The following CARMIL1 variants were observed in gnomAD, a reference collection of about 807,000 sequenced individuals.
The protein encoded by CARMIL1 is F-actin-uncapping protein LRRC16A.
A neutral mutation model predicts 177.1 loss-of-function variants in CARMIL1; 90 were observed. That is an observed-to-expected ratio of 0.51 (90% CI 0.43 to 0.61). CARMIL1 has a LOEUF of 0.61. CARMIL1 is among the 20% of genes least tolerant of loss of function. The probability of loss-of-function intolerance (pLI) is 0.00; values close to 1 mark genes in which losing one functional copy is unlikely to be tolerated. For missense variants in CARMIL1, 1,380 were observed against 1,667.0 expected (o/e 0.83, Z 3.00); for synonymous variants, 577 against 606.2 (o/e 0.95, Z 0.71).
chr6:25,606,226 C>G lies in CARMIL1; in HGVS notation c.3800C>G (p.Ala1267Gly). ...CTGCAGTCCCCCAAACCCAGTCTGG[C>G]AGCACGGCCCGTCATCCCGCAGAAA... is the stretch of plus-strand genomic sequence containing the variant. Reference protein sequence around the residue: ...PLLQSPKPSLAARPVIPQKPR... With the variant: ...PLLQSPKPSLGARPVIPQKPR... Residue 1267 changes from alanine to glycine, a missense_variant, in exon 35 of 37, where the codon GCA (alanine) becomes GGA (glycine). By Grantham distance (60) the Ala-to-Gly change is moderately conservative (BLOSUM62 0). Coordinates refer to ENST00000329474, the MANE Select transcript of CARMIL1 (RefSeq NM_017640.6). The G allele has an allele frequency of 6.2e-7, 1 of 1,613,946 alleles. No homozygotes were observed. Among genetic ancestry groups the G allele is most frequent in the Non-Finnish European group, 8.5e-7 (1 of 1,179,884 alleles).
chr6:25,571,361 G>A (rs1582399048), intron 29 of CARMIL1, among the ~76,000 whole-genome samples: 1 of 152,022 alleles, frequency 6.6e-6, no homozygotes, highest in East Asian at 1.9e-4. Flanking sequence ...AGAAAACATC[G>A]AAATGCCAGT....
At chr6:25,359,842 T>A (rs2150388779) in intron 2 of CARMIL1, among the ~76,000 whole-genome samples, 1 of 152,316 alleles carries the variant, frequency 6.6e-6, no homozygotes, top group African/African-American at 2.4e-5. Flanking sequence ...CTGTGTAAAT[T>A]GAAGGTTTAG....
At chr6:25,527,765 G>A (rs554427289) in intron 23 of CARMIL1, 18 of 391,592 alleles carry the variant, frequency 4.6e-5, no homozygotes, top group South Asian at 2.0e-4. Context: ...TCAAGGGATC[G>A]TAATTATAGT....
At position 25,530,263 on chromosome 6, in the gene CARMIL1, A is replaced by G. The variant is rs192697225; in HGVS notation, c.2067+1370A>G. Among the ~76,000 whole-genome samples, 36 of 152,270 alleles carry G rather than the reference A, an allele frequency of 2.4e-4. No individual in the cohort carries two copies. In the East Asian group the frequency reaches 4.1e-3, roughly 17 times the overall value. ...GCCAGACACTGTGGCTCACGCCTGC[A>G]ATCTCAACGCTTGGGAGGTCGAGAC... is the stretch of plus-strand genomic sequence containing the variant. On this transcript the variant is annotated intron_variant, in intron 24 of 36. Coordinates refer to ENST00000329474, the MANE Select transcript of CARMIL1 (RefSeq NM_017640.6).
At chr6:25,537,746 A>G (rs997449956) in intron 24 of CARMIL1, 109 bp from the exon 25 acceptor site, 12 of 1,309,666 alleles carry the variant, frequency 9.2e-6, no homozygotes, top group African/African-American at 2.9e-5. Flanking sequence ...ATCCTTGTGC[A>G]TTCTGTGGTT....
At chr6:25,349,798 G>A (rs980646247) in intron 2 of CARMIL1, among the ~76,000 whole-genome samples, 1 of 147,334 alleles carries the variant, frequency 6.8e-6, no homozygotes, top group East Asian at 2.0e-4. Context: ...GTACAATTTC[G>A]GCTCACTGCA....
chr6:25,304,373 C>T (rs75707428), intron 2 of CARMIL1, among the ~76,000 whole-genome samples: 4,274 of 152,234 alleles, frequency 0.028, 74 homozygotes, highest in Non-Finnish European at 0.039. Flanking sequence ...ATAGAACAGC[C>T]GTCCCCAACC....
intron 29 of CARMIL1, chr6:25,563,494 G>T: frequency 1.0e-6 from 1 of 985,378 alleles, no homozygotes; most frequent in Non-Finnish European, 1.2e-6. Context: ...CAGGTGATGG[G>T]GTAAAAGAAA....
intron 29 of CARMIL1, among the ~76,000 whole-genome samples, chr6:25,569,954 C>G (rs1028351999): frequency 6.6e-6 from 1 of 152,100 alleles, no homozygotes; most frequent in African/African-American, 2.4e-5. Context: ...TTGCTTACTA[C>G]TGCAATAAAG....
intron 8 of CARMIL1, chr6:25,452,178 T>C (rs766990050): frequency 1.3e-6 from 1 of 764,860 alleles, no homozygotes; most frequent in South Asian, 1.3e-5. Context: ...GGCTCAGCTG[T>C]GTCTGTAGTT....
chr6:25,286,072 T>C (rs1349743060), intron 2 of CARMIL1, among the ~76,000 whole-genome samples: 1 of 152,162 alleles, frequency 6.6e-6, no homozygotes, highest in Non-Finnish European at 1.5e-5. Flanking sequence ...AGGGTCTCCC[T>C]GTATTCCCGA....
chr6:25,594,614 T>G (rs1814641336), intron 32 of CARMIL1, 87 bp downstream of exon 32: 1 of 755,750 alleles, frequency 1.3e-6, no homozygotes, highest in Non-Finnish European at 2.2e-6. Context: ...ATACTAAGTT[T>G]CATTTTATAT....
intron 29 of CARMIL1, among the ~76,000 whole-genome samples, chr6:25,568,568 C>T (rs1374536005): frequency 6.6e-6 from 1 of 152,148 alleles, no homozygotes; most frequent in Non-Finnish European, 1.5e-5. Context: ...GGGTGGGTAC[C>T]TGCAAATCAA....
At chr6:25,616,432 G>A (rs1376680037) in intron 36 of CARMIL1, among the ~76,000 whole-genome samples, 1 of 152,138 alleles carries the variant, frequency 6.6e-6, no homozygotes, top group African/African-American at 2.4e-5. Context: ...TTAGCTGGGT[G>A]TGGTGAGGAG....
intron 8 of CARMIL1, among the ~76,000 whole-genome samples, chr6:25,459,072 G>T (rs1213924305): frequency 1.3e-5 from 2 of 151,658 alleles, no homozygotes; most frequent in African/African-American, 4.8e-5. Flanking sequence ...TTTTTTCTGT[G>T]ATGCTCTTAT....
rs369678441 is a variant in CARMIL1, at chr6:25,279,764, C to T, written c.-32C>T. 2.5e-6 allele frequency: 4 copies of T among 1,611,954 alleles called. No homozygotes were observed. Among genetic ancestry groups the T allele is most frequent in the African/African-American group, 2.7e-5 (2 of 74,876 alleles). ...CAGGGGGCCATAAATCAGAGTTGGA[C>T]CTGCAATAACCCCCACACCTACAGG... On this transcript the variant is annotated 5_prime_UTR_variant, in exon 1 of 37. Coordinates refer to ENST00000329474, the MANE Select transcript of CARMIL1 (RefSeq NM_017640.6).
chr6:25,329,184 T>C (rs556732292), intron 2 of CARMIL1, among the ~76,000 whole-genome samples: 1 of 152,290 alleles, frequency 6.6e-6, no homozygotes, highest in African/African-American at 2.4e-5. Flanking sequence ...AATTGGGAGA[T>C]ATCAGCCATA....
intron 29 of CARMIL1, among the ~76,000 whole-genome samples, chr6:25,572,702 CAA>C (rs35085655): frequency 3.0e-4 from 16 of 53,184 alleles, no homozygotes; most frequent in Admixed American, 4.8e-4. Flanking sequence ...GACCTTGTCT[CAA>C]AAAAAAAAAA....
intron 5 of CARMIL1, among the ~76,000 whole-genome samples, chr6:25,445,684 G>A (rs777006337): frequency 3.6e-4 from 54 of 151,930 alleles, no homozygotes; most frequent in African/African-American, 1.2e-3. Flanking sequence ...ACAGGTGCCC[G>A]CCACCAGGTC....
Sources: gnomAD v4.1 joint callset for allele counts (sites outside exome capture counted in the v4.1 genomes callset) on GRCh38, gnomAD v4.1.1 for gene constraint, MANE v1.5 for transcripts, NCBI Gene and HGNC (gene_info 2026-07-23, HGNC 2026-07-21) for gene names.